PFKFB2: variants seen among roughly 807,000 people sequenced by gnomAD.
PFKFB2 encodes 6-phosphofructo-2-kinase/fructose-2,6-biphosphatase 2.
PFKFB2 carries 53 observed loss-of-function variants against 68.0 expected under a neutral mutation model. The ratio of observed to expected loss-of-function variants is 0.78; its 90% CI spans 0.63 to 0.98. PFKFB2 has a LOEUF of 0.98. Among genes scored for constraint, PFKFB2 ranks in the 50% least tolerant of loss-of-function variants. The probability of loss-of-function intolerance (pLI) is 0.00; values close to 1 mark genes in which losing one functional copy is unlikely to be tolerated. For synonymous variants in PFKFB2, 222 were observed against 227.6 expected, an observed-to-expected ratio of 0.98 and a Z score of 0.22; for missense variants, 451 against 642.0, an observed-to-expected ratio of 0.70 and a Z score of 3.22.
At position 207,076,675 on chromosome 1, in the gene PFKFB2, T is replaced by G. The variant is rs199809882; in HGVS notation, c.*4304T>G. The G allele has an allele frequency of 3.1e-6, 1 of 325,994 alleles. No homozygotes were observed. The highest frequency in any genetic ancestry group is 3.8e-6 in the Non-Finnish European group (1 of 264,872). The allele number at this position is 325,994 out of a possible 1,614,324, so 20.2% of individuals were successfully genotyped here. A position where few individuals can be genotyped will look rare whatever the true frequency, so the allele number is the denominator to read the frequency against. Reference sequence around the variant, plus strand: ...AGTGTCTGTGTGCTGACTGACAGACTCTAGTAGTGTCTATATGTTGACCAA... The same window carrying G: ...AGTGTCTGTGTGCTGACTGACAGACGCTAGTAGTGTCTATATGTTGACCAA... On this transcript the variant is annotated 3_prime_UTR_variant, in exon 15 of 15. Transcript: ENST00000367080.
At chr1:207,064,558 C>T (rs1683223121) in intron 7 of PFKFB2, among the ~76,000 whole-genome samples, 1 of 152,178 alleles carries the variant, frequency 6.6e-6, no homozygotes, top group Admixed American at 6.5e-5. Flanking sequence ...AGCCAGTCCC[C>T]ATTGGATGGG....
At chr1:207,049,123 C>T (rs974259983), upstream of PFKFB2, 6 of 1,613,782 alleles carry the variant, frequency 3.7e-6, no homozygotes, top group East Asian at 2.2e-5. Flanking sequence ...CAGGGTGAAG[C>T]GGTTGACATC....
intron 2 of PFKFB2, among the ~76,000 whole-genome samples, chr1:207,055,304 G>A (rs1389222144): frequency 6.6e-6 from 1 of 152,064 alleles, no homozygotes; most frequent in African/African-American, 2.4e-5. Context: ...CAGTGTCTTG[G>A]GCATCTTACT....
At chr1:207,061,095 ATC>A (rs1683082990) in intron 2 of PFKFB2, among the ~76,000 whole-genome samples, 1 of 105,674 alleles carries the variant, frequency 9.5e-6, no homozygotes, top group African/African-American at 4.9e-5. Context: ...CTTTATATAT[ATC>A]TTTATATATA....
chr1:207,050,362 G>A (rs887425089), upstream of PFKFB2, among the ~76,000 whole-genome samples: 1 of 152,106 alleles, frequency 6.6e-6, no homozygotes, highest in Non-Finnish European at 1.5e-5. Flanking sequence ...GAGACATAAG[G>A]ACAGAGAAAA....
At position 207,074,689 on chromosome 1, in the gene PFKFB2, G is replaced by A. The variant is rs1683575376; in HGVS notation, c.*2318G>A. 7 of 985,284 alleles carry A rather than the reference G, an allele frequency of 7.1e-6. No homozygotes were observed. In the South Asian group the frequency reaches 3.3e-4, roughly 46 times the overall value. 61.0% of individuals were successfully genotyped at this position (985,284 alleles called of 1,614,324 possible). ...TAGTGTCTTTGTGGAGCTTTGGGCT[G>A]GTAGGGGCAGGGATAGGGGAAAGCT... On this transcript the variant is annotated 3_prime_UTR_variant, in exon 15 of 15. Transcript: ENST00000367080.
In PFKFB2 at chr1:207,036,127, G is replaced by A. The variant is rs538778888; in HGVS notation, c.-62+1655G>A. Among the ~76,000 whole-genome samples, 23 of 152,140 alleles carry A rather than the reference G, an allele frequency of 1.5e-4. No individual in the cohort carries two copies. In the South Asian group the frequency reaches 1.7e-3, roughly 11 times the overall value. On this transcript the variant is annotated intron_variant, in intron 1 of 5. Transcript: ENST00000545806. ...AGGGATCTGCCCCCATGACCCAAAC[G>A]CCTCCCACTAGGTCCACCTCCAACT...
intron 2 of PFKFB2, chr1:207,047,429 A>C (rs1682626531): frequency 6.6e-6 from 1 of 152,600 alleles, no homozygotes. Context: ...CTAAAAATAA[A>C]TGTCAATTTT....
intron 2 of PFKFB2, 123 bp from the exon 3 acceptor site, chr1:207,061,830 T>G (rs927168341): frequency 1.5e-5 from 12 of 801,720 alleles, no homozygotes; most frequent in East Asian, 1.0e-4. Context: ...TGCAATGAGC[T>G]GAGATCACGC....
Position 207,068,217 on chromosome 1 carries a change from G to A in PFKFB2, c.895G>A (p.Val299Met), listed in dbSNP as rs759321562. 2 of 1,613,426 alleles carry A rather than the reference G, an allele frequency of 1.2e-6. No individual in the cohort carries two copies. Among genetic ancestry groups the A allele is most frequent in the East Asian group, 2.2e-5 (1 of 44,864 alleles). ...LEEQEITDLK[V>M]WTSQLKRTIQ... ...GGAACAGGAAATAACAGACCTCAAA[G>A]TGTGGACAAGCCAGTTGAAGAGGAC... The change falls in exon 10 of 15, where the codon GTG becomes ATG. Residue 299 changes from valine to methionine, a missense_variant. Coordinates refer to ENST00000367080, the MANE Select transcript of PFKFB2 (RefSeq NM_006212.2).
In PFKFB2 at chr1:207,071,214, C is replaced by T; in HGVS notation, c.1249C>T (p.Leu417Phe). 1.2e-6 allele frequency: 2 copies of T among 1,613,948 alleles called. No individual in the cohort carries two copies. The highest frequency in any genetic ancestry group is 1.7e-6 in the Non-Finnish European group (2 of 1,179,778). ...ADELPYLRCP[L>F]HTIFKLTPVA... ...TGAGCTACCATACTTGAGATGCCCT[C>T]TCCATACCATCTTCAAACTTACTCC... is the stretch of plus-strand genomic sequence containing the variant. Residue 417 changes from leucine to phenylalanine, a missense_variant, in exon 13 of 15, where the codon CTC becomes TTC. Physicochemically the swap from Leu to Phe is conservative, Grantham distance 22 (BLOSUM62 0). Transcript: ENST00000367080.
chr1:207,039,332 C>T (rs1009316068), intron 1 of PFKFB2, among the ~76,000 whole-genome samples: 1 of 152,120 alleles, frequency 6.6e-6, no homozygotes, highest in African/African-American at 2.4e-5. Context: ...TTTGGAATTC[C>T]AGTAACTGTA....
In PFKFB2 at chr1:207,068,100, G is replaced by GTA. The variant is rs1302006009; in HGVS notation, c.841-62_841-61insAT. On this transcript the variant is annotated intron_variant, in intron 9 of 14. Transcript: ENST00000367080. ...CTTTGTGTATGTGTGTGTTGAGTGT[G>GTA]TGTGTGTGTGTGTGTGTCTGTGTGT... 3.7e-6 allele frequency: 5 copies of GTA among 1,336,416 alleles called. No individual in the cohort carries two copies. In the African/African-American group the frequency reaches 4.4e-5, roughly 12 times the overall value. 82.8% of individuals were successfully genotyped at this position (1,336,416 alleles called of 1,614,324 possible). A position where few individuals can be genotyped will look rare whatever the true frequency, so the allele number is the denominator to read the frequency against.
intron 1 of PFKFB2, among the ~76,000 whole-genome samples, chr1:207,036,232 G>C (rs1433470547): frequency 1.3e-5 from 2 of 152,162 alleles, no homozygotes; most frequent in African/African-American, 4.8e-5. Context: ...TCTAAGCATG[G>C]CAGACTGAAT....
chr1:207,054,128 T>G (rs1682843657), intron 1 of PFKFB2, among the ~76,000 whole-genome samples: 1 of 151,868 alleles, frequency 6.6e-6, no homozygotes, highest in African/African-American at 2.4e-5. Flanking sequence ...GGTCTCTATC[T>G]CTTGACCTCT....
intron 1 of PFKFB2, among the ~76,000 whole-genome samples, chr1:207,040,508 G>T (rs1572705154): frequency 6.6e-6 from 1 of 151,598 alleles, no homozygotes; most frequent in Non-Finnish European, 1.5e-5. Flanking sequence ...TTCATTCTTT[G>T]AGAGCTATTA....
At chr1:207,067,155 A>G (rs1558062875) in intron 8 of PFKFB2, among the ~76,000 whole-genome samples, 1 of 152,200 alleles carries the variant, frequency 6.6e-6, no homozygotes, top group African/African-American at 2.4e-5. Flanking sequence ...AAAGGGGCCT[A>G]TTCTTCTCAC....
chr1:207,073,799 C>A lies in PFKFB2; in HGVS notation c.*1428C>A, dbSNP rs1483001339. ...TGACCATGATGGCTTATTCTCTTTC[C>A]CAATTTTGCATGCAAAATGTACGAA... On this transcript the variant is annotated 3_prime_UTR_variant, in exon 15 of 15. Coordinates refer to ENST00000367080, the MANE Select transcript of PFKFB2 (RefSeq NM_006212.2). The A allele has an allele frequency of 1.0e-6, 1 of 985,024 alleles. No homozygotes were observed. The highest frequency in any genetic ancestry group is 1.2e-6 in the Non-Finnish European group (1 of 829,776). 61.0% of individuals were successfully genotyped at this position (985,024 alleles called of 1,614,324 possible).
At chr1:207,050,788 C>T (rs1233837431), upstream of PFKFB2, 4 of 1,613,452 alleles carry the variant, frequency 2.5e-6, no homozygotes, top group Non-Finnish European at 3.4e-6. Context: ...CGGGGGCGAT[C>T]CCGGTGATGG....
Sources: gnomAD v4.1 joint callset for allele counts (sites outside exome capture counted in the v4.1 genomes callset) on GRCh38, gnomAD v4.1.1 for gene constraint, MANE v1.5 for transcripts, NCBI Gene and HGNC (gene_info 2026-07-23, HGNC 2026-07-21) for gene names.